Variants in JDP2 observed in about 807,000 individuals in gnomAD.
JDP2 encodes progesterone receptor co-activator.
Under a neutral mutation model 17.1 loss-of-function variants are expected in JDP2, and 9 were observed. That is an observed-to-expected ratio of 0.53 (90% CI 0.32 to 0.92). The LOEUF (loss-of-function observed/expected upper bound fraction) is 0.92. Ranked by LOEUF, JDP2 falls within the 40% of genes least tolerant of loss-of-function variation. The pLI, the probability that JDP2 is intolerant of heterozygous loss-of-function variation, is 0.04. For missense variants in JDP2, 179 were observed against 220.0 expected (o/e 0.81, Z 1.18); for synonymous variants, 107 against 95.6 (o/e 1.12, Z -0.69).
At chr14:75,463,966 C>T (rs1220238016) in intron 3 of JDP2, among the ~76,000 whole-genome samples, 1 of 152,176 alleles carries the variant, frequency 6.6e-6, no homozygotes, top group African/African-American at 2.4e-5. Context: ...ATCCCTCTGG[C>T]GGCAATGTGG....
rs1886854016 is a variant in JDP2, at chr14:75,473,517, C to A, written c.*4042C>A. 6.6e-6 allele frequency: 1 copy of A among 152,140 alleles called. No individual in the cohort carries two copies. Among genetic ancestry groups the A allele is most frequent in the Non-Finnish European group, 1.5e-5 (1 of 68,028 alleles). 9.4% of individuals were successfully genotyped at this position (152,140 alleles called of 1,614,324 possible). On this transcript the variant is annotated 3_prime_UTR_variant, in exon 4 of 4. Coordinates refer to ENST00000651602, the MANE Select transcript of JDP2 (RefSeq NM_001135048.2). Reference sequence around the variant, plus strand: ...TAGCACAGGGGCAAAAGGAAATGTACAAGAATGTTCACTGATGGCTTTGTT... The same window carrying A: ...TAGCACAGGGGCAAAAGGAAATGTAAAAGAATGTTCACTGATGGCTTTGTT...
intron 2 of JDP2, among the ~76,000 whole-genome samples, chr14:75,449,761 T>A (rs84044): frequency 6.6e-6 from 1 of 152,052 alleles, no homozygotes; most frequent in Non-Finnish European, 1.5e-5. Flanking sequence ...AATCATCATC[T>A]CTTTTTCTCT....
At chr14:75,431,111 C>T (rs1463927901) in intron 1 of JDP2, among the ~76,000 whole-genome samples, 1 of 152,198 alleles carries the variant, frequency 6.6e-6, no homozygotes, top group African/African-American at 2.4e-5. Context: ...GTGTTAACCC[C>T]TGCCAGCCAC....
At chr14:75,467,863 AT>A (rs201787010) in intron 3 of JDP2, among the ~76,000 whole-genome samples, 1 of 150,788 alleles carries the variant, frequency 6.6e-6, no homozygotes. Context: ...TTCCCCGAGC[AT>A]TTTTTTTTCC....
chr14:75,462,802 T>C (rs929206867), intron 3 of JDP2, among the ~76,000 whole-genome samples: 9 of 152,164 alleles, frequency 5.9e-5, no homozygotes, highest in African/African-American at 2.2e-4. Context: ...TCTGTGGTCA[T>C]GGGTGTAGAC....
At chr14:75,439,665 A>C (rs955626473) in intron 2 of JDP2, among the ~76,000 whole-genome samples, 1 of 152,224 alleles carries the variant, frequency 6.6e-6, no homozygotes, top group Non-Finnish European at 1.5e-5. Flanking sequence ...TGTGGATTAC[A>C]AGCTGTGAGT....
chr14:75,454,893 T>A (rs11159145), intron 2 of JDP2, among the ~76,000 whole-genome samples: 70,326 of 151,486 alleles, frequency 0.46, 17,949 homozygotes, highest in African/African-American at 0.69. Flanking sequence ...GCCACATGTG[T>A]TGGAAGCTGT....
intron 2 of JDP2, among the ~76,000 whole-genome samples, chr14:75,447,509 C>G (rs1004395145): frequency 9.2e-5 from 14 of 152,156 alleles, no homozygotes; most frequent in African/African-American, 3.4e-4. Context: ...AGACCTAACA[C>G]CTTGGAGAGC....
intron 3 of JDP2, among the ~76,000 whole-genome samples, chr14:75,465,626 A>G (rs2139998697): frequency 6.6e-6 from 1 of 152,284 alleles, no homozygotes. Flanking sequence ...CACCATGCCC[A>G]GCCAATTCAA....
At position 75,428,218 on chromosome 14, in the gene JDP2, C is replaced by G. The variant is rs1322357910; in HGVS notation, c.-58C>G. Reference sequence around the variant, plus strand: ...CGGCGCCTGCAGCCGGGCCCCGGCCCCGGGGGCGCCGCCTCCCCCCGCACC... The same window carrying G: ...CGGCGCCTGCAGCCGGGCCCCGGCCGCGGGGGCGCCGCCTCCCCCCGCACC... On this transcript the variant is annotated 5_prime_UTR_variant, in exon 1 of 4. Coordinates refer to ENST00000651602, the MANE Select transcript of JDP2 (RefSeq NM_001135048.2). This position sits in a 1 kb window ranked among gnomAD's most constrained non-coding sequence, Gnocchi z 5.6. 5.5e-5 allele frequency: 8 copies of G among 145,920 alleles called. No individual in the cohort carries two copies. The highest frequency in any genetic ancestry group is 1.5e-4 in the African/African-American group (6 of 40,762). The allele number at this position is 145,920 out of a possible 1,614,324, so 9.0% of individuals were successfully genotyped here.
intron 3 of JDP2, among the ~76,000 whole-genome samples, chr14:75,468,188 C>T (rs1179185654): frequency 2.0e-5 from 3 of 152,176 alleles, no homozygotes; most frequent in Non-Finnish European, 2.9e-5. Context: ...CAATCTCTTA[C>T]GCTATCGCCA....
chr14:75,469,174 C>A, intron 3 of JDP2, 116 bp from the exon 4 acceptor site: 1 of 914,292 alleles, frequency 1.1e-6, no homozygotes, highest in Non-Finnish European at 1.6e-6. Flanking sequence ...TGTGCTTCTT[C>A]CTGCAGAAAA....
intron 2 of JDP2, among the ~76,000 whole-genome samples, chr14:75,457,585 T>A (rs1886168318): frequency 6.6e-6 from 1 of 152,220 alleles, no homozygotes; most frequent in Non-Finnish European, 1.5e-5. Flanking sequence ...ACATCTTGCC[T>A]CATTGGGAGA....
At chr14:75,464,777 G>A (rs1886499742) in intron 3 of JDP2, among the ~76,000 whole-genome samples, 1 of 152,216 alleles carries the variant, frequency 6.6e-6, no homozygotes, top group South Asian at 2.1e-4. Context: ...CCGGGGAAGG[G>A]GCAGGCCTTG....
rs1407574331 is a variant in JDP2, at chr14:75,469,665, G to A, written c.*190G>A. ...AGCCACCCAGGAGGAAGAGCGGGCTGAGGAAACCCAGAGGGACCAAGCGCT... is the reference window on the plus strand; with the variant it reads ...AGCCACCCAGGAGGAAGAGCGGGCTAAGGAAACCCAGAGGGACCAAGCGCT... On this transcript the variant is annotated 3_prime_UTR_variant, in exon 4 of 4. Transcript: ENST00000651602. The A allele has an allele frequency of 3.3e-6, 2 of 597,748 alleles. No homozygotes were observed. Among genetic ancestry groups the A allele is most frequent in the African/African-American group, 1.9e-5 (1 of 53,598 alleles). 37.0% of individuals were successfully genotyped at this position (597,748 alleles called of 1,614,324 possible). A position where few individuals can be genotyped will look rare whatever the true frequency, so the allele number is the denominator to read the frequency against.
chr14:75,440,045 A>G (rs1332345990), intron 2 of JDP2, among the ~76,000 whole-genome samples: 1 of 152,108 alleles, frequency 6.6e-6, no homozygotes, highest in East Asian at 1.9e-4. Flanking sequence ...TATTTTTGGA[A>G]AAGCCACTTT....
At chr14:75,456,341 C>T (rs1167582473) in intron 2 of JDP2, among the ~76,000 whole-genome samples, 1 of 152,226 alleles carries the variant, frequency 6.6e-6, no homozygotes, top group African/African-American at 2.4e-5. Context: ...TTCTTCATCT[C>T]CGTGTTCTGT....
chr14:75,451,408 TGTG>T (rs1451291711), intron 2 of JDP2, among the ~76,000 whole-genome samples: 1 of 147,136 alleles, frequency 6.8e-6, no homozygotes, highest in African/African-American at 2.5e-5. Context: ...GGGACGGGGG[TGTG>T]GGGAGGCAGG....
rs1212871480 is a variant in JDP2, at chr14:75,430,525, G to C, written c.-24+2273G>C. On this transcript the variant is annotated intron_variant, in intron 1 of 3. Coordinates refer to ENST00000651602, the MANE Select transcript of JDP2 (RefSeq NM_001135048.2). This position sits in a 1 kb window ranked among gnomAD's most constrained non-coding sequence, Gnocchi z 4.5. ...ATACCTATATAGGCAGGGGAGGGCA[G>C]CAGGCACATTATTTTTCCATTTTCC... 6.6e-6 allele frequency among the ~76,000 whole-genome samples: 1 copy of C among 152,168 alleles called. No homozygotes were observed. The highest frequency in any genetic ancestry group is 1.5e-5 in the Non-Finnish European group (1 of 68,040).
Sources: allele counts gnomAD v4.1 joint callset (sites outside exome capture counted in the v4.1 genomes callset), GRCh38; gene constraint gnomAD v4.1.1; non-coding constraint Gnocchi (gnomAD v3.1); transcripts MANE v1.5; gene names NCBI Gene and HGNC (gene_info 2026-07-23, HGNC 2026-07-21).